SPMIP10: variants seen among roughly 807,000 people sequenced by gnomAD.
SPMIP10 encodes sperm-associated microtubule inner protein 10.
At chr5:126,632,494 A>C in the SPMIP10 span, 1 of 1,053,438 alleles carries the variant, frequency 9.5e-7, no homozygotes, top group Non-Finnish European at 1.5e-6. Context: ...GAATGATGCT[A>C]AAATGATTGT....
the SPMIP10 span, chr5:126,632,786 G>T: frequency 1.9e-5 from 11 of 576,800 alleles, 1 homozygote; most frequent in South Asian, 2.2e-4. Flanking sequence ...TCAGGAGTTC[G>T]AGACCAGCCT....
the SPMIP10 span, chr5:126,631,753 A>G: frequency 1.9e-6 from 3 of 1,611,656 alleles, no homozygotes; most frequent in Non-Finnish European, 2.5e-6. Flanking sequence ...AGGGAAAGAT[A>G]CTTGTCCTAC....
At chr5:126,635,817 GA>G in the SPMIP10 span, among the ~76,000 whole-genome samples, 1 of 150,144 alleles carries the variant, frequency 6.7e-6, no homozygotes, top group Admixed American at 6.7e-5. Flanking sequence ...CGCGTGCCAC[GA>G]CACCCACCTA....
the SPMIP10 span, among the ~76,000 whole-genome samples, chr5:126,632,282 A>C: frequency 6.8e-6 from 1 of 146,352 alleles, no homozygotes; most frequent in Non-Finnish European, 1.5e-5. Flanking sequence ...AAAAAAAAAA[A>C]AAAAGTCAGA....
At chr5:126,636,219 G>A in the SPMIP10 span, 1 of 1,613,902 alleles carries the variant, frequency 6.2e-7, no homozygotes, top group Non-Finnish European at 8.5e-7. Context: ...ATTTCCCATG[G>A]CTTCAGGAGG....
the SPMIP10 span, chr5:126,631,760 CT>C: frequency 2.5e-6 from 4 of 1,612,126 alleles, no homozygotes; most frequent in African/African-American, 1.3e-5. Flanking sequence ...GATACTTGTC[CT>C]ACTTTGCCTA....
chr5:126,633,085 G>A, the SPMIP10 span, among the ~76,000 whole-genome samples: 2 of 146,952 alleles, frequency 1.4e-5, no homozygotes, highest in Non-Finnish European at 3.0e-5. Context: ...CTATTTTGAT[G>A]TACTGTCACA....
At chr5:126,633,550 G>C in the SPMIP10 span, among the ~76,000 whole-genome samples, 7 of 152,104 alleles carry the variant, frequency 4.6e-5, no homozygotes, top group South Asian at 1.5e-3. Flanking sequence ...AGTAGAGATG[G>C]GGTCTCACTA....
chr5:126,632,917 G>T, the SPMIP10 span, among the ~76,000 whole-genome samples: 9 of 150,882 alleles, frequency 6.0e-5, no homozygotes, highest in Non-Finnish European at 7.4e-5. Context: ...AACCCGAGAG[G>T]CAGAGGTTGC....
chr5:126,635,992 ATGT>A, the SPMIP10 span: 10 of 1,482,804 alleles, frequency 6.7e-6, no homozygotes, highest in Non-Finnish European at 9.4e-6. Flanking sequence ...CAAGAAAATG[ATGT>A]TTGATGTGAT....
the SPMIP10 span, among the ~76,000 whole-genome samples, chr5:126,632,136 C>T: frequency 5.3e-5 from 8 of 151,268 alleles, no homozygotes; most frequent in East Asian, 5.8e-4. Context: ...CAGTGGCTCA[C>T]GGCTGTAATG....
the SPMIP10 span, chr5:126,635,988 A>G: frequency 6.7e-7 from 1 of 1,486,410 alleles, no homozygotes; most frequent in Non-Finnish European, 9.4e-7. Context: ...CTAACAAGAA[A>G]ATGATGTTTG....
At chr5:126,633,559 T>C in the SPMIP10 span, among the ~76,000 whole-genome samples, 1 of 152,046 alleles carries the variant, frequency 6.6e-6, no homozygotes, top group Non-Finnish European at 1.5e-5. Flanking sequence ...GGGGTCTCAC[T>C]ATGTCTTCCA....
chr5:126,636,007 C>T, the SPMIP10 span: 116,506 of 1,563,388 alleles, frequency 0.075, 8,696 homozygotes, highest in African/African-American at 0.39. Flanking sequence ...TGATGTGATA[C>T]ACAGAAGATT....
At chr5:126,634,073 C>T in the SPMIP10 span, among the ~76,000 whole-genome samples, 5 of 152,188 alleles carry the variant, frequency 3.3e-5, no homozygotes, top group Admixed American at 6.6e-5. Flanking sequence ...CCATATGATT[C>T]AGCAATTCCA....
the SPMIP10 span, among the ~76,000 whole-genome samples, chr5:126,633,834 TGG>T: frequency 6.6e-6 from 1 of 151,128 alleles, no homozygotes; most frequent in Non-Finnish European, 1.5e-5. Context: ...CGGAGAGTTT[TGG>T]TATTTTTTGT....
chr5:126,636,194 TACCAAAGC>T, the SPMIP10 span: 12 of 1,614,170 alleles, frequency 7.4e-6, 1 homozygote, highest in South Asian at 1.3e-4. Context: ...TCTCTCCAGA[TACCAAAGC>T]ACTGTGATTT....
the SPMIP10 span, among the ~76,000 whole-genome samples, chr5:126,635,033 G>A: frequency 1.6e-4 from 25 of 151,756 alleles, no homozygotes; most frequent in Non-Finnish European, 3.1e-4. Flanking sequence ...TCCAGGCATT[G>A]TGGTGTGTGC....
the SPMIP10 span, among the ~76,000 whole-genome samples, chr5:126,635,171 A>AATATATATATATATATATAT: frequency 1.3e-3 from 186 of 140,152 alleles, 1 homozygote; most frequent in East Asian, 8.9e-3. Context: ...CCGTCTGTGA[A>AATATATATATATATATATAT]ATATATATAT....
Sources: allele counts gnomAD v4.1 joint callset (sites outside exome capture counted in the v4.1 genomes callset), GRCh38; gene constraint gnomAD v4.1.1; transcripts MANE v1.5; gene names NCBI Gene and HGNC (gene_info 2026-07-23, HGNC 2026-07-21).